Variants in IMPG2 observed in about 807,000 individuals in gnomAD.
The protein encoded by IMPG2 is IPM 200.
A neutral mutation model predicts 129.2 loss-of-function variants in IMPG2; 91 were observed. That is an observed-to-expected ratio of 0.70 (90% confidence interval 0.59 to 0.84). The LOEUF (loss-of-function observed/expected upper bound fraction) is 0.84. Ranked by LOEUF, IMPG2 falls within the 40% of genes least tolerant of loss-of-function variation. IMPG2 has a pLI of 0.00. For missense variants in IMPG2, 1,430 were observed against 1,461.7 expected, an observed-to-expected ratio of 0.98 and a Z score of 0.35; for synonymous variants, 510 against 517.7, an observed-to-expected ratio of 0.99 and a Z score of 0.20.
At chr3:101,241,751 G>A (rs1433210917) in intron 14 of IMPG2, among the ~76,000 whole-genome samples, 1 of 152,150 alleles carries the variant, frequency 6.6e-6, no homozygotes, top group African/African-American at 2.4e-5. Context: ...TCTCTGGCCA[G>A]GTGCGGTGGC....
intron 2 of IMPG2, among the ~76,000 whole-genome samples, chr3:101,316,844 A>T (rs2058788170): frequency 6.6e-6 from 1 of 152,142 alleles, no homozygotes; most frequent in African/African-American, 2.4e-5. Flanking sequence ...CAAATATCCC[A>T]TATTGTGGTA....
Position 101,275,655 on chromosome 3 carries a change from T to C in IMPG2, c.666+8A>G, listed in dbSNP as rs1706832668. Reference sequence around the variant, plus strand: ...AGAAACTAACTAACAAAACAGAGCATCACTCACACTCTCCTCTGGCCTTTC... The same window carrying C: ...AGAAACTAACTAACAAAACAGAGCACCACTCACACTCTCCTCTGGCCTTTC... On this transcript the variant is annotated splice_region_variant and intron_variant, in intron 6 of 18. Transcript: ENST00000193391. 5.7e-6 allele frequency: 9 copies of C among 1,591,586 alleles called. No individual in the cohort carries two copies. The highest frequency in any genetic ancestry group is 7.8e-6 in the Non-Finnish European group (9 of 1,159,400).
intron 4 of IMPG2, among the ~76,000 whole-genome samples, chr3:101,277,450 T>C (rs1293999537): frequency 6.6e-6 from 1 of 152,230 alleles, no homozygotes; most frequent in South Asian, 2.1e-4. Context: ...GTTACAGTCT[T>C]ATAGAAATTA....
At chr3:101,232,244 T>A (rs1706295928) in intron 15 of IMPG2, among the ~76,000 whole-genome samples, 1 of 151,888 alleles carries the variant, frequency 6.6e-6, no homozygotes, top group Admixed American at 6.6e-5. Context: ...ATTTATTTTT[T>A]ATTTTTTTTT....
rs116200664 is a variant in IMPG2, at chr3:101,243,061, C to T, written c.2803-154G>A. On this transcript the variant is annotated intron_variant, in intron 13 of 18. Coordinates refer to ENST00000193391, the MANE Select transcript of IMPG2 (RefSeq NM_016247.4). ...CTTAAACTGTTAATTAACAAAAGTA[C>T]AAATTAGGAATGATTTGACAGTATA... is the stretch of plus-strand genomic sequence containing the variant. Among the ~76,000 whole-genome samples the T allele has an allele frequency of 1.6e-3, 239 of 152,192 alleles. 1 individual carries two copies. The highest frequency in any genetic ancestry group is 5.6e-3 in the African/African-American group (233 of 41,510).
chr3:101,314,725 G>A (rs769628112), intron 2 of IMPG2, among the ~76,000 whole-genome samples: 1 of 152,054 alleles, frequency 6.6e-6, no homozygotes, highest in African/African-American at 2.4e-5. Context: ...AAGATTTCAT[G>A]TGTAAATTAA....
At chr3:101,267,673 A>G (rs941059878) in intron 8 of IMPG2, 142 bp from the exon 9 acceptor site, 4 of 721,094 alleles carry the variant, frequency 5.5e-6, no homozygotes, top group Non-Finnish European at 9.6e-6. Flanking sequence ...ACAAATTCCT[A>G]TGGATTGAAG....
intron 4 of IMPG2, among the ~76,000 whole-genome samples, chr3:101,284,574 A>C (rs1706926129): frequency 6.6e-6 from 1 of 151,972 alleles, no homozygotes; most frequent in African/African-American, 2.4e-5. Context: ...ACAAAAAAAA[A>C]CAAAATCATT....
intron 9 of IMPG2, among the ~76,000 whole-genome samples, chr3:101,259,811 G>T (rs1352181758): frequency 6.6e-6 from 1 of 152,038 alleles, no homozygotes; most frequent in Admixed American, 6.6e-5. Flanking sequence ...ATGGCTAGAT[G>T]ATACTGGCTG....
intron 16 of IMPG2, 73 bp from the exon 17 acceptor site, chr3:101,229,663 C>A: frequency 7.5e-7 from 1 of 1,333,300 alleles, no homozygotes; most frequent in Non-Finnish European, 1.1e-6. Context: ...TTACCTGGGA[C>A]AATATTTCTG....
intron 3 of IMPG2, among the ~76,000 whole-genome samples, chr3:101,302,942 G>A (rs1344806593): frequency 6.6e-6 from 1 of 151,974 alleles, no homozygotes; most frequent in African/African-American, 2.4e-5. Context: ...CATTTAATAA[G>A]ATCATTCCTC....
intron 1 of IMPG2, 35 bp from the exon 2 acceptor site, chr3:101,319,867 T>C: frequency 6.2e-7 from 1 of 1,600,622 alleles, no homozygotes; most frequent in Non-Finnish European, 8.5e-7. Flanking sequence ...TCTTCGATAA[T>C]GAAGATACAG....
At chr3:101,296,717 GA>G (rs1707083320) in intron 3 of IMPG2, among the ~76,000 whole-genome samples, 1 of 151,522 alleles carries the variant, frequency 6.6e-6, no homozygotes, top group African/African-American at 2.4e-5. Flanking sequence ...TTGGTTGGTA[GA>G]CTATTAATTA....
chr3:101,253,102 C>T (rs1032386674), intron 11 of IMPG2, among the ~76,000 whole-genome samples: 1 of 151,980 alleles, frequency 6.6e-6, no homozygotes, highest in African/African-American at 2.4e-5. Context: ...AAGAGGAATT[C>T]CTGATGCATC....
chr3:101,273,800 A>G, intron 6 of IMPG2, 58 bp from the exon 7 acceptor site: 2 of 1,476,722 alleles, frequency 1.4e-6, no homozygotes, highest in Non-Finnish European at 1.9e-6. Flanking sequence ...ATCAACAAAC[A>G]TTTATTGATT....
At chr3:101,307,922 A>G (rs1707221572) in intron 2 of IMPG2, among the ~76,000 whole-genome samples, 1 of 152,226 alleles carries the variant, frequency 6.6e-6, no homozygotes, top group Non-Finnish European at 1.5e-5. Flanking sequence ...TCCTTCCTAG[A>G]TACAACGGAG....
chr3:101,270,310 G>A lies in IMPG2; in HGVS notation c.829-737C>T, dbSNP rs934356940. On this transcript the variant is annotated intron_variant, in intron 7 of 18. Coordinates refer to ENST00000193391, the MANE Select transcript of IMPG2 (RefSeq NM_016247.4). The stretch of plus-strand genomic sequence containing the variant: ...AGTCTAGTGTTTGTTTTCTGTAAGT[G>A]TGAAAGTGGCTGCTGGCATCTTTTT... Among the ~76,000 whole-genome samples, 4 of 152,142 alleles carry A rather than the reference G, an allele frequency of 2.6e-5. No homozygotes were observed. In the South Asian group the frequency reaches 8.3e-4, roughly 32 times the overall value.
chr3:101,223,384 C>T lies in IMPG2; in HGVS notation c.*3585G>A, dbSNP rs913074179. ...TTGTGTTTTTGTTTTTTTGCTAAAACATCTCAATTTAATAGTTATTCTACT... is the reference window on the plus strand; with the variant it reads ...TTGTGTTTTTGTTTTTTTGCTAAAATATCTCAATTTAATAGTTATTCTACT... On this transcript the variant is annotated 3_prime_UTR_variant, in exon 19 of 19. Transcript: ENST00000193391. 6.6e-6 allele frequency: 1 copy of T among 152,098 alleles called. No individual in the cohort carries two copies. Among genetic ancestry groups the T allele is most frequent in the African/African-American group, 2.4e-5 (1 of 41,408 alleles). 9.4% of individuals were successfully genotyped at this position (152,098 alleles called of 1,614,324 possible). A position where few individuals can be genotyped will look rare whatever the true frequency, so the allele number is the denominator to read the frequency against.
In IMPG2 at chr3:101,244,264, G is replaced by C. The variant is rs754267524; in HGVS notation, c.2067C>G (p.Ile689Met). 1.9e-6 allele frequency: 3 copies of C among 1,614,046 alleles called. No homozygotes were observed. The highest frequency in any genetic ancestry group is 2.5e-6 in the Non-Finnish European group (3 of 1,180,002). Residue 689 changes from isoleucine (I) to methionine (M), a missense_variant, in exon 13 of 19, where the codon ATC becomes ATG. Ile to Met is a conservative substitution (Grantham distance 10, BLOSUM62 1). Coordinates refer to ENST00000193391, the MANE Select transcript of IMPG2 (RefSeq NM_016247.4). ...EEPLSGPAVP[I>M]FADTAAESAS... ...CAGATTCAGCTGCAGTATCTGCGAA[G>C]ATGGGCACAGCAGGCCCACTAAGAG... is the stretch of plus-strand genomic sequence containing the variant.
Sources: gnomAD v4.1 joint callset for allele counts (sites outside exome capture counted in the v4.1 genomes callset) on GRCh38, gnomAD v4.1.1 for gene constraint, MANE v1.5 for transcripts, NCBI Gene and HGNC (gene_info 2026-07-23, HGNC 2026-07-21) for gene names.